The following SPAG16 variants were observed in gnomAD, a reference collection of about 807,000 sequenced individuals.
The protein encoded by SPAG16 is sperm-associated antigen 16 protein.
Under a neutral mutation model 80.4 loss-of-function variants are expected in SPAG16, and 86 were observed. The observed-to-expected ratio is 1.07, with a 90% CI of 0.90 to 1.28. The LOEUF (loss-of-function observed/expected upper bound fraction) is 1.28. Ranked by LOEUF, SPAG16 falls within the 50% of genes most tolerant of loss-of-function variation. SPAG16 has a pLI of 0.00. For missense variants in SPAG16, 870 were observed against 765.3 expected, an observed-to-expected ratio of 1.14 and a Z score of -1.61; for synonymous variants, 294 against 265.9, an observed-to-expected ratio of 1.11 and a Z score of -1.03.
intron 10 of SPAG16, among the ~76,000 whole-genome samples, chr2:213,524,075 T>C (rs77136679): frequency 0.05 from 7,643 of 152,184 alleles, 631 homozygotes; most frequent in African/African-American, 0.17. Flanking sequence ...AAAAAATTGT[T>C]TTGTGGGCTG....
intron 15 of SPAG16, among the ~76,000 whole-genome samples, chr2:214,328,002 T>G (rs73989422): frequency 0.065 from 9,877 of 152,192 alleles, 1,045 homozygotes; most frequent in African/African-American, 0.22. Flanking sequence ...TGTTTCATCT[T>G]TGTGTATGTT....
intron 5 of SPAG16, among the ~76,000 whole-genome samples, chr2:213,332,323 C>A (rs1352449712): frequency 1.3e-5 from 2 of 151,934 alleles, no homozygotes; most frequent in African/African-American, 4.8e-5. Flanking sequence ...ATACAAGCTA[C>A]CAGAATTAAA....
chr2:213,608,951 G>A (rs1346476211), intron 10 of SPAG16, among the ~76,000 whole-genome samples: 1 of 152,226 alleles, frequency 6.6e-6, no homozygotes. Context: ...CCAAAGTACT[G>A]GGATTACAGG....
intron 11 of SPAG16, among the ~76,000 whole-genome samples, chr2:213,885,519 A>ATAGTTGGT (rs2076521051): frequency 1.3e-5 from 2 of 152,284 alleles, no homozygotes; most frequent in East Asian, 3.9e-4. Context: ...TTAATTAGTT[A>ATAGTTGGT]CAGTTGGTGT....
At chr2:213,604,407 T>C (rs1057088846) in intron 10 of SPAG16, among the ~76,000 whole-genome samples, 2 of 152,186 alleles carry the variant, frequency 1.3e-5, no homozygotes, top group African/African-American at 2.4e-5. Flanking sequence ...ACCATATACA[T>C]GTATATTTTT....
chr2:214,271,745 A>C (rs1208759843), intron 15 of SPAG16, among the ~76,000 whole-genome samples: 1 of 152,092 alleles, frequency 6.6e-6, no homozygotes, highest in East Asian at 1.9e-4. Flanking sequence ...GATTGCAGTG[A>C]GCCGACATTG....
intron 10 of SPAG16, among the ~76,000 whole-genome samples, chr2:213,689,993 A>G (rs2064870695): frequency 1.3e-5 from 2 of 152,078 alleles, no homozygotes. Flanking sequence ...TGCTAAATCT[A>G]GTGTTTATTT....
intron 11 of SPAG16, among the ~76,000 whole-genome samples, chr2:213,870,151 A>G (rs2075890722): frequency 6.6e-6 from 1 of 152,150 alleles, no homozygotes; most frequent in Non-Finnish European, 1.5e-5. Flanking sequence ...TGAAAGTCAC[A>G]TTTTCAGCTG....
At chr2:214,306,751 T>TG (rs1254750456) in intron 15 of SPAG16, among the ~76,000 whole-genome samples, 1 of 152,216 alleles carries the variant, frequency 6.6e-6, no homozygotes, top group African/African-American at 2.4e-5. Context: ...ACAAACTTCC[T>TG]GATGTGCTGC....
chr2:214,178,011 ATT>A (rs1440194808), intron 15 of SPAG16, among the ~76,000 whole-genome samples: 3 of 45,870 alleles, frequency 6.5e-5, no homozygotes, highest in African/African-American at 8.7e-5. Context: ...ATATATATAT[ATT>A]CATACTTTAT....
chr2:214,030,669 A>T (rs1231965089), intron 13 of SPAG16, among the ~76,000 whole-genome samples: 1 of 152,206 alleles, frequency 6.6e-6, no homozygotes. Context: ...CTGTGTTCAG[A>T]GATGATGAAC....
chr2:214,143,174 T>A (rs2055451240), intron 14 of SPAG16, among the ~76,000 whole-genome samples: 1 of 151,874 alleles, frequency 6.6e-6, no homozygotes, highest in South Asian at 2.1e-4. Flanking sequence ...TTAAGCTTTC[T>A]GTGGCTCAAT....
At chr2:213,942,288 C>T (rs540413945) in intron 12 of SPAG16, among the ~76,000 whole-genome samples, 10 of 152,198 alleles carry the variant, frequency 6.6e-5, no homozygotes, top group African/African-American at 2.4e-4. Context: ...CCTCAACTCA[C>T]AAGTTGAATT....
intron 10 of SPAG16, among the ~76,000 whole-genome samples, chr2:213,559,685 A>T (rs1021459674): frequency 3.3e-5 from 5 of 152,132 alleles, no homozygotes; most frequent in African/African-American, 1.2e-4. Flanking sequence ...GAAATTTTTT[A>T]CTGGCTGTTT....
intron 11 of SPAG16, among the ~76,000 whole-genome samples, chr2:213,896,794 T>A (rs1385536055): frequency 1.3e-5 from 2 of 151,990 alleles, no homozygotes; most frequent in Middle Eastern, 3.2e-3. Flanking sequence ...CTGGTACATG[T>A]TCTCACATGT....
intron 15 of SPAG16, among the ~76,000 whole-genome samples, chr2:214,263,102 T>G (rs994990285): frequency 6.6e-6 from 1 of 152,120 alleles, no homozygotes; most frequent in African/African-American, 2.4e-5. Context: ...TAAGCAACTT[T>G]TAAGTATACA....
At chr2:213,354,862 G>A (rs1307089300) in intron 7 of SPAG16, among the ~76,000 whole-genome samples, 1 of 152,136 alleles carries the variant, frequency 6.6e-6, no homozygotes, top group African/African-American at 2.4e-5. Flanking sequence ...AAGCTCTTTA[G>A]TTTAGTTAGA....
chr2:213,317,886 T>C (rs2063466417), intron 5 of SPAG16: 1 of 225,124 alleles, frequency 4.4e-6, no homozygotes, highest in Admixed American at 6.5e-5. Flanking sequence ...TGTGTGGGAG[T>C]AGGAGGTGTA....
chr2:213,962,842 T>C (rs1457171645), intron 12 of SPAG16, among the ~76,000 whole-genome samples: 2 of 152,194 alleles, frequency 1.3e-5, no homozygotes, highest in Admixed American at 6.5e-5. Flanking sequence ...CATAGTACTT[T>C]GTCTTTTAAA....
Sources: allele counts gnomAD v4.1 joint callset (sites outside exome capture counted in the v4.1 genomes callset), GRCh38; gene constraint gnomAD v4.1.1; transcripts MANE v1.5; gene names NCBI Gene and HGNC (gene_info 2026-07-23, HGNC 2026-07-21).